Variants in MAGI2 observed in about 807,000 individuals in gnomAD.
The protein encoded by MAGI2 is membrane-associated guanylate kinase, WW and PDZ domain-containing protein 2.
Under a neutral mutation model 133.3 loss-of-function variants are expected in MAGI2, and 35 were observed. The ratio of observed to expected loss-of-function variants is 0.26; its 90% CI spans 0.20 to 0.35. MAGI2 has a LOEUF of 0.35. Among genes scored for constraint, MAGI2 ranks in the 10% least tolerant of loss-of-function variants. MAGI2 has a pLI of 1.00. For synonymous variants in MAGI2, 729 were observed against 710.6 expected, an observed-to-expected ratio of 1.03 and a Z score of -0.41; for missense variants, 1,636 against 1,863.4, an observed-to-expected ratio of 0.88 and a Z score of 2.25.
chr7:78,299,108 G>A (rs563903481), intron 9 of MAGI2, among the ~76,000 whole-genome samples: 3 of 152,182 alleles, frequency 2.0e-5, no homozygotes, highest in African/African-American at 4.8e-5. Flanking sequence ...GTGAGCTACC[G>A]TGCCTGGCTA....
intron 6 of MAGI2, among the ~76,000 whole-genome samples, chr7:78,459,142 T>C (rs1255292757): frequency 6.6e-6 from 1 of 150,730 alleles, no homozygotes; most frequent in Non-Finnish European, 1.5e-5. Flanking sequence ...TCTACACTTC[T>C]GTCAATCCAT....
At chr7:79,290,252 T>C (rs1003803275) in intron 1 of MAGI2, among the ~76,000 whole-genome samples, 1 of 151,976 alleles carries the variant, frequency 6.6e-6, no homozygotes. Flanking sequence ...TCGTACCACC[T>C]CAAAAGTAAC....
At chr7:79,286,878 T>C (rs1836044404) in intron 1 of MAGI2, among the ~76,000 whole-genome samples, 2 of 152,160 alleles carry the variant, frequency 1.3e-5, no homozygotes, top group South Asian at 4.1e-4. Context: ...ATTTATGGAG[T>C]GCAAGTGCTA....
At chr7:79,394,382 A>G (rs1237132384) in intron 1 of MAGI2, among the ~76,000 whole-genome samples, 4 of 152,140 alleles carry the variant, frequency 2.6e-5, no homozygotes, top group African/African-American at 9.7e-5. Flanking sequence ...TTTTGTCCCA[A>G]TTACTCCCAC....
chr7:79,072,240 C>T (rs1256795460), intron 1 of MAGI2, among the ~76,000 whole-genome samples: 1 of 152,002 alleles, frequency 6.6e-6, no homozygotes, highest in African/African-American at 2.4e-5. Flanking sequence ...CCTATTTGGC[C>T]ATCTTGCCAA....
Position 79,056,231 on chromosome 7 carries a change from A to C in MAGI2, c.302-49025T>G, listed in dbSNP as rs569622942. On this transcript the variant is annotated intron_variant, in intron 1 of 21. Transcript: ENST00000354212. ...GAGATTCCATCTCAAAAAACAACAA[A>C]AAAAAAATTAGCTGTGCATGGTTGC... is the stretch of plus-strand genomic sequence containing the variant. Among the ~76,000 whole-genome samples, 230 of 150,154 alleles carry C rather than the reference A, an allele frequency of 1.5e-3. 1 individual carries two copies. Among genetic ancestry groups the C allele is most frequent in the South Asian group, 9.2e-3 (44 of 4,808 alleles).
chr7:78,921,162 A>ACT (rs1190667565), intron 2 of MAGI2, among the ~76,000 whole-genome samples: 1 of 151,620 alleles, frequency 6.6e-6, no homozygotes, highest in Non-Finnish European at 1.5e-5. Context: ...CTCTTCCTCC[A>ACT]CTCTCTCTCT....
At chr7:78,863,405 G>C (rs1005207573) in intron 2 of MAGI2, among the ~76,000 whole-genome samples, 1 of 152,210 alleles carries the variant, frequency 6.6e-6, no homozygotes, top group African/African-American at 2.4e-5. Context: ...AGTGTGTGCA[G>C]AGATCACATG....
intron 15 of MAGI2, among the ~76,000 whole-genome samples, chr7:78,160,671 C>T (rs1332471492): frequency 6.6e-6 from 1 of 152,166 alleles, no homozygotes; most frequent in Non-Finnish European, 1.5e-5. Context: ...ATAAGAATCA[C>T]TTAAATAAAT....
At chr7:78,957,359 A>C (rs1802477481) in intron 2 of MAGI2, among the ~76,000 whole-genome samples, 1 of 151,430 alleles carries the variant, frequency 6.6e-6, no homozygotes, top group Non-Finnish European at 1.5e-5. Context: ...ATTTCATTGC[A>C]TACATGTTTT....
intron 5 of MAGI2, among the ~76,000 whole-genome samples, chr7:78,494,390 T>A (rs1793902328): frequency 6.6e-6 from 1 of 152,196 alleles, no homozygotes; most frequent in Non-Finnish European, 1.5e-5. Context: ...AGAATTATGT[T>A]ATTAAGAAAT....
At chr7:78,375,004 T>C (rs1240089897) in intron 6 of MAGI2, among the ~76,000 whole-genome samples, 1 of 151,880 alleles carries the variant, frequency 6.6e-6, no homozygotes, top group African/African-American at 2.4e-5. Flanking sequence ...TACACCTGGC[T>C]ATTTTTTTTT....
chr7:78,600,938 G>A (rs1287761498), intron 3 of MAGI2, among the ~76,000 whole-genome samples: 3 of 152,272 alleles, frequency 2.0e-5, no homozygotes, highest in African/African-American at 7.2e-5. Flanking sequence ...GTGGGTTGGT[G>A]ACAGGTGTAG....
intron 18 of MAGI2, among the ~76,000 whole-genome samples, chr7:78,128,675 T>G (rs1821238305): frequency 6.6e-6 from 1 of 152,162 alleles, no homozygotes; most frequent in African/African-American, 2.4e-5. Flanking sequence ...CAATCTAATA[T>G]TTGGCAAGGT....
At chr7:78,038,103 C>CT (rs1197896171) in intron 21 of MAGI2, among the ~76,000 whole-genome samples, 1 of 152,188 alleles carries the variant, frequency 6.6e-6, no homozygotes, top group Non-Finnish European at 1.5e-5. Context: ...TGTGTTCGCT[C>CT]TTTTTTTGTA....
intron 2 of MAGI2, among the ~76,000 whole-genome samples, chr7:78,671,238 C>T (rs1814344670): frequency 6.6e-6 from 1 of 151,596 alleles, no homozygotes; most frequent in Admixed American, 6.6e-5. Flanking sequence ...TGCTGCTTCT[C>T]CCACAGGCTT....
chr7:79,444,485 G>A (rs1189193903), intron 1 of MAGI2, among the ~76,000 whole-genome samples: 1 of 152,126 alleles, frequency 6.6e-6, no homozygotes, highest in African/African-American at 2.4e-5. Context: ...CAAAATCAAT[G>A]TGCAAAAATC....
At chr7:78,084,645 T>C (rs1003193419) in intron 20 of MAGI2, among the ~76,000 whole-genome samples, 2 of 152,310 alleles carry the variant, frequency 1.3e-5, no homozygotes, top group South Asian at 4.1e-4. Context: ...GGTAAAGTTA[T>C]AGGAAACAAA....
intron 2 of MAGI2, among the ~76,000 whole-genome samples, chr7:78,921,546 A>G (rs1188674106): frequency 1.3e-5 from 2 of 152,132 alleles, no homozygotes; most frequent in African/African-American, 2.4e-5. Flanking sequence ...AAATGCTTCC[A>G]GATTTCTAGT....
Sources: gnomAD v4.1 joint callset for allele counts (sites outside exome capture counted in the v4.1 genomes callset) on GRCh38, gnomAD v4.1.1 for gene constraint, MANE v1.5 for transcripts, NCBI Gene and HGNC (gene_info 2026-07-23, HGNC 2026-07-21) for gene names.